The following ANK1 variants were observed in gnomAD, a reference collection of about 807,000 sequenced individuals.
ANK1 encodes ankyrin 1, also known as ankyrin-1.
Under a neutral mutation model 210.4 loss-of-function variants are expected in ANK1, and 51 were observed. The ratio of observed to expected loss-of-function variants is 0.24; its 90% CI spans 0.19 to 0.31. The LOEUF (loss-of-function observed/expected upper bound fraction) is 0.31, where lower values mean the gene tolerates loss of function less well. ANK1 is among the 10% of genes least tolerant of loss of function. The pLI, the probability that ANK1 is intolerant of heterozygous loss-of-function variation, is 1.00. For missense variants in ANK1, 2,051 were observed against 2,504.4 expected, an observed-to-expected ratio of 0.82 and a Z score of 3.86; for synonymous variants, 967 against 1,025.9, an observed-to-expected ratio of 0.94 and a Z score of 1.10.
At chr8:41,747,102 A>G (rs989704180) in intron 2 of ANK1, among the ~76,000 whole-genome samples, 2 of 152,198 alleles carry the variant, frequency 1.3e-5, no homozygotes, top group African/African-American at 4.8e-5. Context: ...GCATGTACAG[A>G]AAAAGTAATA....
intron 1 of ANK1, among the ~76,000 whole-genome samples, chr8:41,796,129 C>T (rs895932608): frequency 6.6e-6 from 1 of 152,146 alleles, no homozygotes; most frequent in Non-Finnish European, 1.5e-5. Context: ...TTACAATAAA[C>T]GTCTTCAAGC....
At chr8:41,724,010 G>C (rs893832267) in intron 7 of ANK1, among the ~76,000 whole-genome samples, 3 of 151,636 alleles carry the variant, frequency 2.0e-5, no homozygotes, top group Non-Finnish European at 4.4e-5. Context: ...GGATGGTCTC[G>C]ATCTCCTGAC....
intron 2 of ANK1, among the ~76,000 whole-genome samples, chr8:41,752,139 G>C (rs970955225): frequency 6.6e-6 from 1 of 152,114 alleles, no homozygotes; most frequent in African/African-American, 2.4e-5. Context: ...CCACCCCACC[G>C]AAATAGTCAC....
At chr8:41,733,130 A>G (rs761321831) in intron 3 of ANK1, among the ~76,000 whole-genome samples, 80 of 152,324 alleles carry the variant, frequency 5.3e-4, no homozygotes, top group Admixed American at 5.2e-4. Flanking sequence ...CAATCTATAG[A>G]TGTATCAATT....
chr8:41,727,964 C>A lies in ANK1; in HGVS notation c.271G>T (p.Asp91Tyr), dbSNP rs780698924. 18 of 1,614,068 alleles carry A rather than the reference C, an allele frequency of 1.1e-5. No homozygotes were observed. The highest frequency in any genetic ancestry group is 9.9e-5 in the South Asian group (9 of 91,092). Residue 91 changes from aspartate (D) to tyrosine (Y), a missense_variant, in exon 4 of 43, where the codon GAT (aspartate) becomes TAT (tyrosine). By Grantham distance (160) the Asp-to-Tyr change is radical. Transcript: ENST00000289734. ...ALHIAALAGQ[D>Y]EVVRELVNYG... ...TTGACAAGCTCCCGGACCACCTCAT[C>A]CTGCCCGGCTAGAGCAGCGATGTGC...
chr8:41,676,237 TC>T (rs1353053603), intron 37 of ANK1, among the ~76,000 whole-genome samples: 6 of 152,248 alleles, frequency 3.9e-5, no homozygotes, highest in African/African-American at 1.4e-4. Context: ...CCCCATATCC[TC>T]ACCAACACTT....
At chr8:41,745,844 C>T (rs1328672810) in intron 2 of ANK1, among the ~76,000 whole-genome samples, 1 of 152,088 alleles carries the variant, frequency 6.6e-6, no homozygotes, top group Non-Finnish European at 1.5e-5. Context: ...ACTACAGGTG[C>T]AGGGCCATGC....
At chr8:41,714,129 G>C (rs770661528) in intron 16 of ANK1, 27 bp downstream of exon 16, 1 of 1,319,220 alleles carries the variant, frequency 7.6e-7, no homozygotes, top group South Asian at 2.9e-5. Flanking sequence ...CTCTCCAGGG[G>C]CAGCTGGGGA....
intron 1 of ANK1, among the ~76,000 whole-genome samples, chr8:41,834,417 AG>A (rs1245193786): frequency 3.9e-5 from 6 of 152,204 alleles, no homozygotes; most frequent in African/African-American, 1.4e-4. Context: ...CCCATGTCGG[AG>A]GCAGCACTGG....
intron 1 of ANK1, among the ~76,000 whole-genome samples, chr8:41,830,494 T>C (rs1486764671): frequency 6.6e-6 from 1 of 152,056 alleles, no homozygotes; most frequent in Non-Finnish European, 1.5e-5. Flanking sequence ...ATGACCTACA[T>C]AACAATGACA....
chr8:41,846,793 A>T (rs1587390799), intron 1 of ANK1, among the ~76,000 whole-genome samples: 1 of 151,858 alleles, frequency 6.6e-6, no homozygotes, highest in African/African-American at 2.4e-5. Context: ...CCTTTTTCCC[A>T]CACCCTCCCA....
chr8:41,695,698 G>A (rs896263164), intron 26 of ANK1, among the ~76,000 whole-genome samples: 2 of 152,242 alleles, frequency 1.3e-5, no homozygotes, highest in African/African-American at 4.8e-5. Context: ...TCCTTCAGAG[G>A]GACACTTTGA....
At chr8:41,808,741 G>A (rs756640143) in intron 1 of ANK1, among the ~76,000 whole-genome samples, 21 of 152,082 alleles carry the variant, frequency 1.4e-4, no homozygotes, top group Non-Finnish European at 2.5e-4. Flanking sequence ...CCCTACTGCT[G>A]CACACAGATG....
chr8:41,806,456 G>A (rs762307552), intron 1 of ANK1, among the ~76,000 whole-genome samples: 12 of 152,082 alleles, frequency 7.9e-5, no homozygotes, highest in African/African-American at 1.9e-4. Context: ...TGTTCATGTC[G>A]GTAATCCCAG....
Position 41,694,030 on chromosome 8 carries a change from C to CGGTGACAA in ANK1, c.3392_3399dup (p.Val1134LeufsTer58). ...TGGAACTTCCGGCGCCGGGGCTCCA[C>CGGTGACAA]GGTGACAATGGGGCTGAATGTGGCC... On this transcript the variant is annotated frameshift_variant, in exon 29 of 43. Coordinates refer to ENST00000289734, the MANE Select transcript of ANK1 (RefSeq NM_000037.4). LOFTEE classifies it high-confidence loss of function. This position sits in a 1 kb window ranked among gnomAD's most constrained non-coding sequence, Gnocchi z 5.7. 6.2e-7 allele frequency: 1 copy of CGGTGACAA among 1,613,980 alleles called. No individual in the cohort carries two copies. The highest frequency in any genetic ancestry group is 1.1e-5 in the South Asian group (1 of 91,046).
At chr8:41,664,855 C>A in intron 39 of ANK1, 1 of 1,613,238 alleles carries the variant, frequency 6.2e-7, no homozygotes, top group South Asian at 1.1e-5. Flanking sequence ...GTCTCCTCGT[C>A]GTCACTGAGG....
chr8:41,746,623 T>C (rs1348456506), intron 2 of ANK1, among the ~76,000 whole-genome samples: 1 of 152,092 alleles, frequency 6.6e-6, no homozygotes, highest in East Asian at 1.9e-4. Flanking sequence ...TGCAAGGAAA[T>C]GAATCAACCT....
intron 1 of ANK1, among the ~76,000 whole-genome samples, chr8:41,889,992 C>T (rs1218566294): frequency 6.6e-6 from 1 of 152,164 alleles, no homozygotes; most frequent in African/African-American, 2.4e-5. Context: ...TTTCTCATTT[C>T]CCAGTACTGA....
intron 1 of ANK1, chr8:41,829,189 G>A (rs1261533810): frequency 2.0e-5 from 3 of 152,176 alleles, no homozygotes; most frequent in Admixed American, 6.5e-5. Context: ...TCTGTGACTC[G>A]GCTTTCAGAA....
Sources: allele counts gnomAD v4.1 joint callset (sites outside exome capture counted in the v4.1 genomes callset), GRCh38; gene constraint gnomAD v4.1.1; non-coding constraint Gnocchi (gnomAD v3.1); transcripts MANE v1.5; gene names NCBI Gene and HGNC (gene_info 2026-07-23, HGNC 2026-07-21).